CPSF3: variants seen among roughly 807,000 people sequenced by gnomAD.
CPSF3 encodes the protein cleavage and polyadenylation specific factor 3.
CPSF3 carries 57 observed loss-of-function variants against 84.1 expected under a neutral mutation model. That is an observed-to-expected ratio of 0.68 (90% CI 0.55 to 0.85). The LOEUF is 0.85. Among genes scored for constraint, CPSF3 ranks in the 40% least tolerant of loss-of-function variants. The pLI is 0.00. For missense variants in CPSF3, 522 were observed against 838.8 expected, an observed-to-expected ratio of 0.62 and a Z score of 4.66; for synonymous variants, 275 against 278.1, an observed-to-expected ratio of 0.99 and a Z score of 0.11.
chr2:9,425,400 G>A (rs959432768), intron 1 of CPSF3, among the ~76,000 whole-genome samples: 4 of 152,034 alleles, frequency 2.6e-5, no homozygotes, highest in Non-Finnish European at 2.9e-5. Context: ...CCTGGCAGCA[G>A]TGTAGCAGAT....
At chr2:9,426,537 G>A (rs1680399590) in intron 1 of CPSF3, among the ~76,000 whole-genome samples, 1 of 152,162 alleles carries the variant, frequency 6.6e-6, no homozygotes, top group Non-Finnish European at 1.5e-5. Flanking sequence ...ATACAGGCTT[G>A]GAAGTCCTTA....
At chr2:9,449,592 A>T (rs1346890967) in intron 11 of CPSF3, among the ~76,000 whole-genome samples, 1 of 152,114 alleles carries the variant, frequency 6.6e-6, no homozygotes. Flanking sequence ...AAATACAAAA[A>T]TTAGCTGGGT....
chr2:9,469,003 A>C (rs557438905), intron 16 of CPSF3, among the ~76,000 whole-genome samples: 29 of 152,340 alleles, frequency 1.9e-4, no homozygotes, highest in South Asian at 1.0e-3. Flanking sequence ...AAGTTGTCAT[A>C]CATCTTCAAA....
At chr2:9,452,858 C>T in intron 11 of CPSF3, 55 bp from the exon 12 acceptor site, 2 of 1,172,776 alleles carry the variant, frequency 1.7e-6, no homozygotes, top group Middle Eastern at 2.0e-4. Flanking sequence ...ATTTTATTAC[C>T]TGAAAAACTG....
At position 9,457,147 on chromosome 2, in the gene CPSF3, ATGTGTGTGTGTGTGTGTGTG is replaced by A. The variant is rs70948817; in HGVS notation, c.1698+145_1698+164del. On this transcript the variant is annotated intron_variant, in intron 14 of 17. Transcript: ENST00000238112. ...GAAAAAGAATATTGTTGGAAAGTAT[ATGTGTGTGTGTGTGTGTGTG>A]TGTGTGTGTGTGTGTGTGTGTGTGG... The A allele has an allele frequency of 4.6e-4, 152 of 334,030 alleles. No individual in the cohort carries two copies. In the East Asian group the frequency reaches 7.0e-3, roughly 15 times the overall value. 20.7% of individuals were successfully genotyped at this position (334,030 alleles called of 1,614,324 possible). A position where few individuals can be genotyped will look rare whatever the true frequency, so the allele number is the denominator to read the frequency against.
chr2:9,443,262 A>G (rs966876496), intron 9 of CPSF3, among the ~76,000 whole-genome samples: 13 of 152,230 alleles, frequency 8.5e-5, no homozygotes, highest in African/African-American at 2.7e-4. Flanking sequence ...CTTTCTAAGC[A>G]TAAGAGTTAT....
At chr2:9,470,159 T>C (rs371010578) in intron 16 of CPSF3, among the ~76,000 whole-genome samples, 6 of 152,086 alleles carry the variant, frequency 3.9e-5, no homozygotes, top group East Asian at 3.9e-4. Context: ...GAGGCAGAGG[T>C]TGCAGTGGGC....
At chr2:9,461,321 T>A (rs1050690529) in intron 15 of CPSF3, among the ~76,000 whole-genome samples, 2 of 152,120 alleles carry the variant, frequency 1.3e-5, no homozygotes, top group Admixed American at 6.6e-5. Context: ...AGTGTCACAG[T>A]CTTAATCCTG....
At position 9,448,560 on chromosome 2, in the gene CPSF3, T is replaced by TTGTG. The variant is rs60635212; in HGVS notation, c.1395+223_1395+226dup. ...AAAATGTTCAGCTAGATTAGATTTT[T>TTGTG]TGTGTGTGTGTGTGTGAGACGGAGT... On this transcript the variant is annotated intron_variant, in intron 11 of 17. Transcript: ENST00000238112. 6.1e-3 allele frequency among the ~76,000 whole-genome samples: 928 copies of TTGTG among 151,990 alleles called. 10 individuals carry two copies. Among genetic ancestry groups the TTGTG allele is most frequent in the African/African-American group, 0.02 (813 of 41,404 alleles).
At chr2:9,447,131 A>G (rs548551770) in intron 10 of CPSF3, among the ~76,000 whole-genome samples, 2 of 152,270 alleles carry the variant, frequency 1.3e-5, no homozygotes, top group African/African-American at 4.8e-5. Flanking sequence ...ACAGAGCAAG[A>G]CTCTCTTTAA....
intron 16 of CPSF3, 65 bp downstream of exon 16, chr2:9,467,841 G>A (rs1215725265): frequency 1.2e-5 from 16 of 1,296,166 alleles, no homozygotes; most frequent in African/African-American, 1.0e-4. Flanking sequence ...CCCTGGATTC[G>A]GCTCTGACTC....
intron 4 of CPSF3, 53 bp from the exon 5 acceptor site, chr2:9,432,458 T>C: frequency 7.5e-7 from 1 of 1,333,326 alleles, no homozygotes; most frequent in South Asian, 2.1e-5. Flanking sequence ...GTTCAAAGGC[T>C]TTTTAAAAAA....
At chr2:9,450,380 C>G (rs571579963) in intron 11 of CPSF3, among the ~76,000 whole-genome samples, 8 of 149,932 alleles carry the variant, frequency 5.3e-5, no homozygotes, top group Admixed American at 2.0e-4. Flanking sequence ...GTCTCGAACT[C>G]CTGACCTCAA....
rs970272778 is a variant in CPSF3, at chr2:9,466,938, A to G, written c.1787-769A>G. Reference sequence around the variant, plus strand: ...TGGATACTTCGGTTGTTTCTATTTTATGGGTTTTATGAATAGTGCTACCGT... The same window carrying G: ...TGGATACTTCGGTTGTTTCTATTTTGTGGGTTTTATGAATAGTGCTACCGT... On this transcript the variant is annotated intron_variant, in intron 15 of 17. Transcript: ENST00000238112. 5.3e-5 allele frequency among the ~76,000 whole-genome samples: 8 copies of G among 152,246 alleles called. No homozygotes were observed. The South Asian group carries it at 6.2e-4, about 12-fold the overall frequency.
At chr2:9,467,615 C>A in intron 15 of CPSF3, 92 bp from the exon 16 acceptor site, 1 of 885,106 alleles carries the variant, frequency 1.1e-6, no homozygotes, top group Non-Finnish European at 1.8e-6. Context: ...TTCACTTTAA[C>A]TTATCAGTAA....
intron 14 of CPSF3, 68 bp from the exon 15 acceptor site, chr2:9,459,463 G>A (rs1033143184): frequency 1.5e-5 from 14 of 919,398 alleles, no homozygotes; most frequent in Non-Finnish European, 2.2e-5. Flanking sequence ...TTGGTGGGTT[G>A]TAGTTGTAGC....
chr2:9,424,168 G>C, intron 1 of CPSF3: 2 of 1,047,296 alleles, frequency 1.9e-6, no homozygotes, highest in Non-Finnish European at 2.3e-6. Flanking sequence ...GGCAAGCTGT[G>C]AGGGAGCCGG....
intron 15 of CPSF3, among the ~76,000 whole-genome samples, chr2:9,465,054 TAGATGA>T (rs1399106476): frequency 6.6e-6 from 1 of 152,124 alleles, no homozygotes; most frequent in Admixed American, 6.5e-5. Context: ...TAAAAAGAAT[TAGATGA>T]AGTATGGTTT....
chr2:9,444,156 ATAT>A (rs1200963271), intron 10 of CPSF3, among the ~76,000 whole-genome samples: 77 of 134,858 alleles, frequency 5.7e-4, no homozygotes, highest in African/African-American at 2.2e-3. Context: ...ATATATATAT[ATAT>A]TTTTTTTTTT....
Sources: allele counts gnomAD v4.1 joint callset (sites outside exome capture counted in the v4.1 genomes callset), GRCh38; gene constraint gnomAD v4.1.1; transcripts MANE v1.5; gene names NCBI Gene and HGNC (gene_info 2026-07-23, HGNC 2026-07-21).